The following LHPP variants were observed in gnomAD, a reference collection of about 807,000 sequenced individuals.
The protein encoded by LHPP is hLHPP.
Under a neutral mutation model 30.3 loss-of-function variants are expected in LHPP, and 24 were observed. That is an observed-to-expected ratio of 0.79 (90% CI 0.57 to 1.11). LHPP has a LOEUF of 1.11. Among genes scored for constraint, LHPP ranks in the 50% most tolerant of loss-of-function variants. The pLI, the probability that LHPP is intolerant of heterozygous loss-of-function variation, is 0.00. For synonymous variants in LHPP, 150 were observed against 157.1 expected (o/e 0.95, Z 0.34); for missense variants, 356 against 367.2 (o/e 0.97, Z 0.25).
chr10:124,463,080 G>T (rs1952451266), intron 1 of LHPP, among the ~76,000 whole-genome samples: 1 of 152,218 alleles, frequency 6.6e-6, no homozygotes, highest in Non-Finnish European at 1.5e-5. Flanking sequence ...TGTTGGGCAG[G>T]CTGGTCTCTA....
At chr10:124,494,015 A>G (rs1289468823) in intron 3 of LHPP, 1 of 152,220 alleles carries the variant, frequency 6.6e-6, no homozygotes, top group Non-Finnish European at 1.5e-5. Context: ...TTTAAAAAAT[A>G]AACGTTAAAG....
chr10:124,613,479 C>T lies in LHPP; in HGVS notation c.*119C>T, dbSNP rs1589723328. 1 of 699,436 alleles carries T rather than the reference C, an allele frequency of 1.4e-6. No homozygotes were observed. Among genetic ancestry groups the T allele is most frequent in the East Asian group, 2.7e-5 (1 of 37,084 alleles). The allele number at this position is 699,436 out of a possible 1,614,324, so 43.3% of individuals were successfully genotyped here. ...AGCCCCACCTCCTCCACCCCTGCCT[C>T]TCCTCCACCCCTGCCTCCCCTCCAC... is the stretch of plus-strand genomic sequence containing the variant. On this transcript the variant is annotated 3_prime_UTR_variant, in exon 7 of 7. Coordinates refer to ENST00000368842, the MANE Select transcript of LHPP (RefSeq NM_022126.4).
chr10:124,476,846 A>G (rs1952964374), intron 1 of LHPP, among the ~76,000 whole-genome samples: 1 of 152,158 alleles, frequency 6.6e-6, no homozygotes, highest in South Asian at 2.1e-4. Flanking sequence ...ATTGCTTTCC[A>G]AAAGGGGAGC....
chr10:124,522,009 T>A (rs1324385948), intron 6 of LHPP, among the ~76,000 whole-genome samples: 1 of 152,216 alleles, frequency 6.6e-6, no homozygotes, highest in East Asian at 1.9e-4. Context: ...TCTCTTGTTT[T>A]CATTATAAAA....
intron 6 of LHPP, among the ~76,000 whole-genome samples, chr10:124,539,735 CA>C (rs34308960): frequency 0.13 from 15,429 of 120,734 alleles, 1,172 homozygotes; most frequent in Non-Finnish European, 0.17. Context: ...AACCCTGTCT[CA>C]AAAAAAAAAA....
chr10:124,492,025 A>C (rs1779926005), intron 3 of LHPP, among the ~76,000 whole-genome samples: 1 of 152,240 alleles, frequency 6.6e-6, no homozygotes, highest in African/African-American at 2.4e-5. Context: ...TTGAAGAATC[A>C]GAAGATCTGA....
rs570225709 is a variant in LHPP at position 124,585,295 on chromosome 10, A to AT, written c.717-27963dup. On this transcript the variant is annotated intron_variant, in intron 6 of 6. Transcript: ENST00000368842. ...ATAAATGGGACTGCATTCCTGTTAGATTTTTTCTTTCTTTCTTTTTTAAGA... is the reference window on the plus strand; with the variant it reads ...ATAAATGGGACTGCATTCCTGTTAGATTTTTTTCTTTCTTTCTTTTTTAAGA... 1.2e-4 allele frequency among the ~76,000 whole-genome samples: 19 copies of AT among 152,204 alleles called. No individual in the cohort carries two copies. The South Asian group carries it at 2.1e-3, about 17-fold the overall frequency.
rs528100523 is a variant in LHPP, at chr10:124,510,020, C to T, written c.625-7160C>T. Among the ~76,000 whole-genome samples the T allele has an allele frequency of 1.4e-4, 22 of 152,206 alleles. No homozygotes were observed. Among genetic ancestry groups the T allele is most frequent in the African/African-American group, 4.3e-4 (18 of 41,530 alleles). On this transcript the variant is annotated intron_variant, in intron 5 of 6. Transcript: ENST00000368842. The surrounding 1 kb of genome is among the most constrained non-coding windows in gnomAD (Gnocchi z 4.0). ...AGGGAGGATTGACTGCTGTAGCACCCGACCCAGGACACCTGCCTCTGGGAC... is the reference window on the plus strand; with the variant it reads ...AGGGAGGATTGACTGCTGTAGCACCTGACCCAGGACACCTGCCTCTGGGAC...
At position 124,576,577 on chromosome 10, in the gene LHPP, C is replaced by T. The variant is rs1352020673; in HGVS notation, c.717-36687C>T. On this transcript the variant is annotated intron_variant, in intron 6 of 6. Transcript: ENST00000368842. The surrounding 1 kb of genome is among the most constrained non-coding windows in gnomAD (Gnocchi z 4.2). ...CACCCCTATATCTTACCCCAGACTC[C>T]CCCATATCTCGCCCCCAGACCCTCC... 1.3e-5 allele frequency among the ~76,000 whole-genome samples: 2 copies of T among 151,644 alleles called. No individual in the cohort carries two copies. Among genetic ancestry groups the T allele is most frequent in the Non-Finnish European group, 2.9e-5 (2 of 67,846 alleles).
intron 6 of LHPP, among the ~76,000 whole-genome samples, chr10:124,598,369 G>C (rs1948977129): frequency 2.0e-5 from 3 of 152,222 alleles, no homozygotes; most frequent in African/African-American, 4.8e-5. Flanking sequence ...GCCTCTGCAG[G>C]GTCTGGGAGT....
intron 6 of LHPP, among the ~76,000 whole-genome samples, chr10:124,581,974 G>A (rs34152555): frequency 0.27 from 40,288 of 151,222 alleles, 5,374 homozygotes; most frequent in East Asian, 0.35. Flanking sequence ...AGTAGAGATG[G>A]GGTTTCACCA....
In LHPP at chr10:124,576,846, G is replaced by A. The variant is rs949946171; in HGVS notation, c.717-36418G>A. The stretch of plus-strand genomic sequence containing the variant: ...TAGCCCACGATACCTCATCCAGCCC[G>A]GGCCCGTGGGTGGGCTGCTGAGCAC... On this transcript the variant is annotated intron_variant, in intron 6 of 6. Coordinates refer to ENST00000368842, the MANE Select transcript of LHPP (RefSeq NM_022126.4). The surrounding 1 kb of genome is among the most constrained non-coding windows in gnomAD (Gnocchi z 4.2). Among the ~76,000 whole-genome samples the A allele has an allele frequency of 6.0e-5, 9 of 149,978 alleles. No homozygotes were observed. Among genetic ancestry groups the A allele is most frequent in the South Asian group, 2.1e-4 (1 of 4,714 alleles).
intron 1 of LHPP, among the ~76,000 whole-genome samples, chr10:124,476,529 C>T (rs1206957728): frequency 2.6e-5 from 4 of 152,148 alleles, no homozygotes; most frequent in African/African-American, 7.2e-5. Context: ...GCCTGGTGCG[C>T]GCGCCAGGGT....
At chr10:124,599,553 C>T (rs972704444) in intron 6 of LHPP, among the ~76,000 whole-genome samples, 8 of 152,260 alleles carry the variant, frequency 5.3e-5, no homozygotes, top group Admixed American at 2.0e-4. Context: ...CAGGCAGCTG[C>T]CAGCCCTCCC....
intron 1 of LHPP, among the ~76,000 whole-genome samples, chr10:124,470,867 G>C (rs1333711685): frequency 6.6e-6 from 1 of 152,142 alleles, no homozygotes; most frequent in Non-Finnish European, 1.5e-5. Context: ...TGGACAAGGG[G>C]TGTTTGTCGA....
At chr10:124,524,518 C>A (rs1440698971) in intron 6 of LHPP, among the ~76,000 whole-genome samples, 1 of 152,106 alleles carries the variant, frequency 6.6e-6, no homozygotes, top group Non-Finnish European at 1.5e-5. Flanking sequence ...CTCAAATGAT[C>A]CCCCCGCCTT....
intron 1 of LHPP, among the ~76,000 whole-genome samples, chr10:124,475,608 G>T (rs1952919804): frequency 6.6e-6 from 1 of 152,130 alleles, no homozygotes; most frequent in Non-Finnish European, 1.5e-5. Flanking sequence ...AGCTACTGTT[G>T]GTGCCTCATT....
intron 3 of LHPP, chr10:124,493,978 C>G (rs1953621271): frequency 6.6e-6 from 1 of 152,190 alleles, no homozygotes; most frequent in African/African-American, 2.4e-5. Flanking sequence ...ATTCTGGGCA[C>G]TATAAAATCA....
chr10:124,498,154 T>C (rs1474935252), intron 5 of LHPP, 26 bp downstream of exon 5: 6 of 1,416,236 alleles, frequency 4.2e-6, no homozygotes, highest in Non-Finnish European at 5.9e-6. Context: ...GTGAAGTGGG[T>C]CAGGGGAGGC....
Sources: allele counts gnomAD v4.1 joint callset (sites outside exome capture counted in the v4.1 genomes callset), GRCh38; gene constraint gnomAD v4.1.1; non-coding constraint Gnocchi (gnomAD v3.1); transcripts MANE v1.5; gene names NCBI Gene and HGNC (gene_info 2026-07-23, HGNC 2026-07-21).